HOOK3: variants seen among roughly 807,000 people sequenced by gnomAD.
HOOK3 encodes the protein hook microtubule tethering protein 3.
A neutral mutation model predicts 116.3 loss-of-function variants in HOOK3; 24 were observed. The ratio of observed to expected loss-of-function variants is 0.21; its 90% CI spans 0.15 to 0.29. The LOEUF is 0.29. HOOK3 is among the 10% of genes least tolerant of loss of function. The probability of loss-of-function intolerance (pLI) is 1.00; values close to 1 mark genes in which losing one functional copy is unlikely to be tolerated. For missense variants in HOOK3, 632 were observed against 830.2 expected, an observed-to-expected ratio of 0.76 and a Z score of 2.93; for synonymous variants, 275 against 283.0, an observed-to-expected ratio of 0.97 and a Z score of 0.28.
rs768885039 is a variant in HOOK3, at chr8:43,020,832, G to T, written c.*2334G>T. 7.6e-5 allele frequency: 14 copies of T among 184,676 alleles called. No individual in the cohort carries two copies. Among genetic ancestry groups the T allele is most frequent in the Non-Finnish European group, 1.5e-4 (13 of 87,224 alleles). The allele number at this position is 184,676 out of a possible 1,614,324, so 11.4% of individuals were successfully genotyped here. A position where few individuals can be genotyped will look rare whatever the true frequency, so the allele number is the denominator to read the frequency against. On this transcript the variant is annotated 3_prime_UTR_variant, in exon 22 of 22. Coordinates refer to ENST00000307602, the MANE Select transcript of HOOK3 (RefSeq NM_032410.4). ...GATGAAAACAACAGCCAGGTGCAGT[G>T]GCTCACGCGTATAATCCCAGCACTT...
intron 5 of HOOK3, chr8:42,949,438 A>G (rs1808296369): frequency 6.6e-6 from 1 of 152,198 alleles, no homozygotes; most frequent in African/African-American, 2.4e-5. Flanking sequence ...TAGAACAAGG[A>G]GTTCCATCTG....
intron 17 of HOOK3, among the ~76,000 whole-genome samples, chr8:43,005,847 C>G (rs904045153): frequency 1.3e-5 from 2 of 150,904 alleles, no homozygotes; most frequent in Non-Finnish European, 3.0e-5. Flanking sequence ...AGGCCCCCCC[C>G]CACCACACCC....
rs570532192 is a variant in HOOK3 at position 43,007,477 on chromosome 8, C to T, written c.1656-370C>T. 1.5e-3 allele frequency among the ~76,000 whole-genome samples: 228 copies of T among 152,260 alleles called. 3 individuals are homozygous for T. Among genetic ancestry groups the T allele is most frequent in the Non-Finnish European group, 2.7e-3 (184 of 68,012 alleles). ...CATGTGGTTGAGTATATCATTAGTT[C>T]ATTTTTTTATTGATAGGTAGTGTTC... On this transcript the variant is annotated intron_variant, in intron 17 of 21. Coordinates refer to ENST00000307602, the MANE Select transcript of HOOK3 (RefSeq NM_032410.4).
intron 1 of HOOK3, among the ~76,000 whole-genome samples, 170 bp from the exon 2 acceptor site, chr8:42,906,003 C>T (rs571815594): frequency 3.3e-5 from 5 of 150,322 alleles, no homozygotes; most frequent in African/African-American, 2.4e-5. Context: ...AGGAGAATCA[C>T]TTGAACCTGG....
chr8:42,954,895 G>T (rs1437667280), intron 6 of HOOK3, among the ~76,000 whole-genome samples: 1 of 152,186 alleles, frequency 6.6e-6, no homozygotes, highest in African/African-American at 2.4e-5. Context: ...GTAAATTAGG[G>T]TAGGGGAAAT....
intron 4 of HOOK3, among the ~76,000 whole-genome samples, chr8:42,938,736 A>T (rs1033675265): frequency 2.1e-5 from 3 of 139,674 alleles, no homozygotes; most frequent in African/African-American, 8.6e-5. Context: ...ATTTATTTTT[A>T]TTGATCATTC....
chr8:42,900,586 C>T (rs1807166166), intron 1 of HOOK3, among the ~76,000 whole-genome samples: 1 of 152,112 alleles, frequency 6.6e-6, no homozygotes, highest in African/African-American at 2.4e-5. Flanking sequence ...CTGCCTAACT[C>T]GATTCTGCCA....
chr8:42,959,509 A>G (rs1052723910), intron 8 of HOOK3, among the ~76,000 whole-genome samples, 195 bp downstream of exon 8: 14 of 152,066 alleles, frequency 9.2e-5, no homozygotes, highest in Admixed American at 2.6e-4. Flanking sequence ...ACTTGAGCTC[A>G]AGAATTCGAG....
chr8:42,924,600 A>C (rs1807726899), intron 2 of HOOK3, among the ~76,000 whole-genome samples: 1 of 152,156 alleles, frequency 6.6e-6, no homozygotes, highest in Non-Finnish European at 1.5e-5. Context: ...GTGACCTTTG[A>C]AGTATTAGGT....
intron 1 of HOOK3, among the ~76,000 whole-genome samples, chr8:42,903,792 T>C (rs1280649426): frequency 6.6e-6 from 1 of 151,246 alleles, no homozygotes; most frequent in Non-Finnish European, 1.5e-5. Context: ...TGTCTCTACT[T>C]AAAATACAAA....
At chr8:42,947,450 A>G (rs1808251061) in intron 5 of HOOK3, among the ~76,000 whole-genome samples, 1 of 152,200 alleles carries the variant, frequency 6.6e-6, no homozygotes, top group South Asian at 2.1e-4. Context: ...GATGTTACCT[A>G]TATGCATATT....
At chr8:43,008,645 ATT>A (rs1448934477) in intron 18 of HOOK3, among the ~76,000 whole-genome samples, 4 of 146,612 alleles carry the variant, frequency 2.7e-5, no homozygotes, top group African/African-American at 1.0e-4. Flanking sequence ...TTTTATTTTT[ATT>A]TTTATTTTTA....
intron 19 of HOOK3, among the ~76,000 whole-genome samples, chr8:43,010,746 C>G (rs1809589047): frequency 6.6e-6 from 1 of 152,132 alleles, no homozygotes; most frequent in South Asian, 2.1e-4. Context: ...AATAGTTAAC[C>G]TGAATTTAAG....
In HOOK3 at chr8:42,984,458, C is replaced by T. The variant is rs376978629; in HGVS notation, c.1391+1762C>T. On this transcript the variant is annotated intron_variant, in intron 14 of 21. Coordinates refer to ENST00000307602, the MANE Select transcript of HOOK3 (RefSeq NM_032410.4). ...TTTTGTGTACCTTTTTCTTTTCTGC[C>T]ATCTGATATGCTACTTTATAATTGA... Among the ~76,000 whole-genome samples, 6 of 151,980 alleles carry T rather than the reference C, an allele frequency of 3.9e-5. No homozygotes were observed. The South Asian group carries it at 6.2e-4, about 16-fold the overall frequency.
In HOOK3 at chr8:42,925,645, A is replaced by G. The variant is rs776082657; in HGVS notation, c.216+16A>G. The G allele has an allele frequency of 4.6e-6, 7 of 1,526,398 alleles. No homozygotes were observed. The highest frequency in any genetic ancestry group is 6.3e-6 in the Non-Finnish European group (7 of 1,110,824). 94.6% of individuals were successfully genotyped at this position (1,526,398 alleles called of 1,614,324 possible). ...GAGGCTAAAGGTATTTTATTTTTCC[A>G]CCTGTTAAATCTTTAAATATTTGTA... On this transcript the variant is annotated intron_variant, in intron 3 of 21. Coordinates refer to ENST00000307602, the MANE Select transcript of HOOK3 (RefSeq NM_032410.4).
Position 42,897,202 on chromosome 8 carries a change from G to A in HOOK3, c.57+14G>A, listed in dbSNP as rs1807009636. The A allele has an allele frequency of 8.1e-7, 1 of 1,239,848 alleles. No homozygotes were observed. Among genetic ancestry groups the A allele is most frequent in the Non-Finnish European group, 1.0e-6 (1 of 987,268 alleles). The allele number at this position is 1,239,848 out of a possible 1,614,324, so 76.8% of individuals were successfully genotyped here. On this transcript the variant is annotated intron_variant, in intron 1 of 21. Coordinates refer to ENST00000307602, the MANE Select transcript of HOOK3 (RefSeq NM_032410.4). The stretch of plus-strand genomic sequence containing the variant: ...CTCCTCACTTGGGTACGTGGGGGCC[G>A]CGGGCCGGCGGGAAGACCCCCTCCC...
chr8:43,013,857 T>G (rs1476579233), intron 21 of HOOK3, among the ~76,000 whole-genome samples: 1 of 152,238 alleles, frequency 6.6e-6, no homozygotes, highest in East Asian at 1.9e-4. Flanking sequence ...ACACAAAAAC[T>G]AATGCTCATC....
At chr8:42,909,567 G>A (rs1382024475) in intron 2 of HOOK3, among the ~76,000 whole-genome samples, 1 of 152,174 alleles carries the variant, frequency 6.6e-6, no homozygotes, top group Admixed American at 6.5e-5. Flanking sequence ...AGGCTCAGAT[G>A]ATCCTCCCAC....
In HOOK3 at chr8:42,959,718, GAAAAA is replaced by G. The variant is rs529721762; in HGVS notation, c.615+426_615+430del. The stretch of plus-strand genomic sequence containing the variant: ...TGGGTGACAGAGCAAGACTACATCT[GAAAAA>G]AAAAAAAAAAAAAAAAAAAAATTCA... On this transcript the variant is annotated intron_variant, in intron 8 of 21. Transcript: ENST00000307602. Among the ~76,000 whole-genome samples, 7 of 29,042 alleles carry G rather than the reference GAAAAA, an allele frequency of 2.4e-4. No homozygotes were observed. The Admixed American group carries it at 3.1e-3, about 13-fold the overall frequency. 19.1% of individuals were successfully genotyped at this position (29,042 alleles called of 152,430 possible).
Sources: gnomAD v4.1 joint callset for allele counts (sites outside exome capture counted in the v4.1 genomes callset) on GRCh38, gnomAD v4.1.1 for gene constraint, MANE v1.5 for transcripts, NCBI Gene and HGNC (gene_info 2026-07-23, HGNC 2026-07-21) for gene names.